The following APBB2 variants were observed in gnomAD, a reference collection of about 807,000 sequenced individuals.
APBB2 encodes the protein amyloid beta precursor protein binding family B member 2, also known as Fe65-like 1.
A neutral mutation model predicts 82.5 loss-of-function variants in APBB2; 38 were observed. The observed-to-expected ratio is 0.46, with a 90% confidence interval of 0.36 to 0.60. The LOEUF is 0.60. APBB2 is among the 20% of genes least tolerant of loss of function. The pLI is 0.00. For synonymous variants in APBB2, 341 were observed against 368.2 expected, an observed-to-expected ratio of 0.93 and a Z score of 0.85; for missense variants, 772 against 972.3, an observed-to-expected ratio of 0.79 and a Z score of 2.74.
chr4:40,933,077 T>G (rs113735056), intron 10 of APBB2, among the ~76,000 whole-genome samples: 5,312 of 152,312 alleles, frequency 0.035, 311 homozygotes, highest in African/African-American at 0.12. Context: ...TTGGCCAGTC[T>G]GGGCTTGAAC....
chr4:41,118,644 T>C (rs376691877), intron 2 of APBB2, among the ~76,000 whole-genome samples: 4 of 152,290 alleles, frequency 2.6e-5, no homozygotes, highest in African/African-American at 7.2e-5. Context: ...CAGCTTCATA[T>C]AGGAAGGTTT....
chr4:40,945,142 G>T, intron 6 of APBB2, 69 bp from the exon 7 acceptor site: 2 of 1,235,112 alleles, frequency 1.6e-6, no homozygotes, highest in Non-Finnish European at 1.2e-6. Context: ...AGCACTATTC[G>T]TCAGGTGAAC....
intron 2 of APBB2, among the ~76,000 whole-genome samples, chr4:41,136,942 G>A (rs912029353): frequency 6.6e-6 from 1 of 152,074 alleles, no homozygotes; most frequent in Non-Finnish European, 1.5e-5. Flanking sequence ...CATCCATAAC[G>A]CAGTTGTAAC....
intron 6 of APBB2, among the ~76,000 whole-genome samples, chr4:40,983,734 T>C (rs1166789731): frequency 6.6e-6 from 1 of 152,088 alleles, no homozygotes; most frequent in Non-Finnish European, 1.5e-5. Flanking sequence ...CATGCCACCA[T>C]ACCCCGCTAA....
At chr4:40,851,738 A>ATATATATATATATT (rs1192919460) in intron 12 of APBB2, among the ~76,000 whole-genome samples, 35 of 67,722 alleles carry the variant, frequency 5.2e-4, no homozygotes, top group Non-Finnish European at 9.2e-4. Context: ...ATATATATAT[A>ATATATATATATATT]TTTTTTTTTT....
At chr4:40,861,130 C>G (rs529222620) in intron 12 of APBB2, among the ~76,000 whole-genome samples, 2 of 151,746 alleles carry the variant, frequency 1.3e-5, no homozygotes, top group Non-Finnish European at 2.9e-5. Context: ...GTGGGCGGAT[C>G]ACTTGAGGCC....
intron 5 of APBB2, among the ~76,000 whole-genome samples, chr4:41,029,686 T>C (rs1715909047): frequency 6.6e-6 from 1 of 151,318 alleles, no homozygotes; most frequent in Admixed American, 6.6e-5. Flanking sequence ...AATAAACATA[T>C]ACATGTTTTA....
intron 12 of APBB2, among the ~76,000 whole-genome samples, chr4:40,858,385 G>C (rs925904879): frequency 6.8e-6 from 1 of 148,140 alleles, no homozygotes; most frequent in East Asian, 2.0e-4. Flanking sequence ...AACCTGGGAG[G>C]TGGAGGTTGC....
intron 4 of APBB2, among the ~76,000 whole-genome samples, chr4:41,048,906 C>T (rs146793770): frequency 0.08 from 12,104 of 152,118 alleles, 1,557 homozygotes; most frequent in African/African-American, 0.27. Flanking sequence ...AGCTCCTAAC[C>T]GTGAGTGATC....
chr4:41,020,100 T>C lies in APBB2; in HGVS notation c.20-5702A>G, dbSNP rs575587237. Among the ~76,000 whole-genome samples the C allele has an allele frequency of 1.6e-4, 25 of 152,272 alleles. No homozygotes were observed. In the East Asian group the frequency reaches 4.3e-3, roughly 26 times the overall value. On this transcript the variant is annotated intron_variant, in intron 5 of 17. Transcript: ENST00000508593. The stretch of plus-strand genomic sequence containing the variant: ...GAGAAAACAGTGTACCCTATTCCTT[T>C]AAAAGCCAGGGTAAATTTAAAACCT...
chr4:40,891,419 C>G (rs1771991378), intron 11 of APBB2, among the ~76,000 whole-genome samples: 1 of 152,190 alleles, frequency 6.6e-6, no homozygotes, highest in African/African-American at 2.4e-5. Flanking sequence ...CATCTAGATG[C>G]TGGAGCACTG....
intron 4 of APBB2, among the ~76,000 whole-genome samples, chr4:41,051,009 A>G (rs1725732712): frequency 1.5e-5 from 2 of 135,310 alleles, no homozygotes; most frequent in Admixed American, 1.4e-4. Flanking sequence ...CACAGGATGC[A>G]AGTTCACAAA....
chr4:40,956,592 A>G (rs1791700723), intron 6 of APBB2, among the ~76,000 whole-genome samples: 1 of 152,054 alleles, frequency 6.6e-6, no homozygotes, highest in South Asian at 2.1e-4. Context: ...TCCCTGTGGT[A>G]GCATTATTTT....
At chr4:41,210,456 C>G (rs1295697108) in intron 1 of APBB2, among the ~76,000 whole-genome samples, 1 of 152,208 alleles carries the variant, frequency 6.6e-6, no homozygotes, top group Non-Finnish European at 1.5e-5. Flanking sequence ...CAAATCCCCC[C>G]AGACCCTTTA....
intron 12 of APBB2, among the ~76,000 whole-genome samples, chr4:40,837,977 T>C (rs1367557881): frequency 1.3e-5 from 2 of 152,078 alleles, no homozygotes; most frequent in Non-Finnish European, 2.9e-5. Context: ...AATGACAGTG[T>C]TAATACATCT....
At chr4:41,140,585 T>C (rs1329203743) in intron 2 of APBB2, among the ~76,000 whole-genome samples, 1 of 152,178 alleles carries the variant, frequency 6.6e-6, no homozygotes, top group Non-Finnish European at 1.5e-5. Context: ...GCCTATCCCC[T>C]ACACCAGGGG....
chr4:41,045,063 A>C (rs972284177), intron 4 of APBB2, among the ~76,000 whole-genome samples: 1 of 151,128 alleles, frequency 6.6e-6, no homozygotes, highest in Non-Finnish European at 1.5e-5. Flanking sequence ...TTCACCTTCT[A>C]TTTCTCTTAG....
At chr4:41,113,753 C>T (rs1750009299) in intron 2 of APBB2, among the ~76,000 whole-genome samples, 1 of 152,014 alleles carries the variant, frequency 6.6e-6, no homozygotes, top group Non-Finnish European at 1.5e-5. Flanking sequence ...TATGAAGCTT[C>T]CTTATTTTTT....
intron 3 of APBB2, among the ~76,000 whole-genome samples, chr4:41,077,526 G>A (rs1197668738): frequency 1.3e-5 from 2 of 152,118 alleles, no homozygotes; most frequent in Non-Finnish European, 2.9e-5. Flanking sequence ...AAAGTACATA[G>A]AGTCAGAAGA....
Sources: allele counts gnomAD v4.1 joint callset (sites outside exome capture counted in the v4.1 genomes callset), GRCh38; gene constraint gnomAD v4.1.1; transcripts MANE v1.5; gene names NCBI Gene and HGNC (gene_info 2026-07-23, HGNC 2026-07-21).